MRTFB: variants seen among roughly 807,000 people sequenced by gnomAD.
MRTFB encodes myocardin related transcription factor B.
MRTFB carries 29 observed loss-of-function variants against 104.2 expected under a neutral mutation model. That is an observed-to-expected ratio of 0.28 (90% CI 0.21 to 0.38). MRTFB has a LOEUF of 0.38. Ranked by LOEUF, MRTFB falls within the 10% of genes least tolerant of loss-of-function variation. The pLI, the probability that MRTFB is intolerant of heterozygous loss-of-function variation, is 1.00. For missense variants in MRTFB, 1,270 were observed against 1,341.6 expected (o/e 0.95, Z 0.83); for synonymous variants, 535 against 519.5 (o/e 1.03, Z -0.41).
chr16:14,225,624 T>C (rs867468926), intron 8 of MRTFB, among the ~76,000 whole-genome samples: 1 of 152,164 alleles, frequency 6.6e-6, no homozygotes. Context: ...AAGCAATGTC[T>C]TGGGTGGCTG....
chr16:14,035,573 C>T, the MRTFB span, among the ~76,000 whole-genome samples: 1 of 152,022 alleles, frequency 6.6e-6, no homozygotes, highest in African/African-American at 2.4e-5. Flanking sequence ...CTATTTTAAG[C>T]ATTTATTATA....
intron 2 of MRTFB, among the ~76,000 whole-genome samples, chr16:14,081,407 C>T (rs2034391639): frequency 6.6e-6 from 1 of 151,868 alleles, no homozygotes; most frequent in Admixed American, 6.6e-5. Context: ...ATTCTCCTGC[C>T]TCAGCCTCGC....
chr16:14,219,026 A>C, intron 8 of MRTFB, 28 bp downstream of exon 8: 1 of 1,548,134 alleles, frequency 6.5e-7, no homozygotes. Context: ...TTGACCCCTA[A>C]AGAAAGAAAA....
chr16:14,233,134 G>C lies in MRTFB; in HGVS notation c.694-1012G>C, dbSNP rs139339146. ...AGTAACGCCTTCTGTAGCTTCCTTTGTTAATAATATGTGACTCCAAACTGA... is the reference window on the plus strand; with the variant it reads ...AGTAACGCCTTCTGTAGCTTCCTTTCTTAATAATATGTGACTCCAAACTGA... On this transcript the variant is annotated intron_variant, in intron 8 of 16. Coordinates refer to ENST00000571589, the MANE Select transcript of MRTFB (RefSeq NM_001308142.2). Among the ~76,000 whole-genome samples, 9 of 152,318 alleles carry C rather than the reference G, an allele frequency of 5.9e-5. No homozygotes were observed. The East Asian group carries it at 1.7e-3, about 29-fold the overall frequency.
intron 3 of MRTFB, among the ~76,000 whole-genome samples, chr16:14,197,118 A>G (rs1053033167): frequency 6.6e-6 from 1 of 151,444 alleles, no homozygotes; most frequent in African/African-American, 2.4e-5. Flanking sequence ...AGCTGGGATT[A>G]CAATCGTGCC....
At chr16:14,154,466 A>G (rs989477520) in intron 3 of MRTFB, among the ~76,000 whole-genome samples, 10 of 152,248 alleles carry the variant, frequency 6.6e-5, no homozygotes, top group South Asian at 2.1e-4. Context: ...TAGTCTGACA[A>G]TCTCTTACAA....
chr16:14,188,760 T>C (rs2040050123), intron 3 of MRTFB, among the ~76,000 whole-genome samples: 1 of 152,238 alleles, frequency 6.6e-6, no homozygotes, highest in South Asian at 2.1e-4. Context: ...ACCTACTTCA[T>C]AGTGATTTTA....
chr16:14,008,924 A>G, the MRTFB span, among the ~76,000 whole-genome samples: 7 of 67,042 alleles, frequency 1.0e-4, no homozygotes, highest in East Asian at 5.6e-4. Flanking sequence ...TAAGTATTTC[A>G]TTCTTTTTTA....
chr16:14,080,016 A>G (rs1417826674), intron 2 of MRTFB, among the ~76,000 whole-genome samples: 2 of 152,210 alleles, frequency 1.3e-5, no homozygotes, highest in Non-Finnish European at 2.9e-5. Context: ...GTAATCCTAC[A>G]TGATCATTTT....
intron 2 of MRTFB, among the ~76,000 whole-genome samples, chr16:14,127,929 A>T (rs76272354): frequency 0.042 from 1,812 of 43,250 alleles, 60 homozygotes; most frequent in African/African-American, 0.13. Flanking sequence ...ATATATATAT[A>T]TTTTTTTTTT....
chr16:14,171,634 G>T (rs2150972597), intron 3 of MRTFB, among the ~76,000 whole-genome samples: 1 of 152,076 alleles, frequency 6.6e-6, no homozygotes, highest in Non-Finnish European at 1.5e-5. Context: ...TCCCCTTTAT[G>T]TATTTGTAAC....
the MRTFB span, among the ~76,000 whole-genome samples, chr16:14,057,466 CT>C: frequency 6.6e-6 from 1 of 152,114 alleles, no homozygotes; most frequent in East Asian, 1.9e-4. Context: ...GACTTCCCAT[CT>C]TTATTTTCCT....
At chr16:14,247,684 A>T (rs770579380) in intron 12 of MRTFB, 177 bp downstream of exon 12, 1 of 617,524 alleles carries the variant, frequency 1.6e-6, no homozygotes, top group Non-Finnish European at 2.8e-6. Context: ...CACTGTTTTT[A>T]TATAGTGAAA....
At chr16:14,130,802 C>T (rs946075570) in intron 2 of MRTFB, among the ~76,000 whole-genome samples, 3 of 139,090 alleles carry the variant, frequency 2.2e-5, no homozygotes, top group African/African-American at 6.5e-5. Context: ...ACAATCATGG[C>T]GGAAGGGGAG....
intron 2 of MRTFB, among the ~76,000 whole-genome samples, chr16:14,126,894 G>A (rs1156716854): frequency 6.6e-6 from 1 of 152,224 alleles, no homozygotes; most frequent in African/African-American, 2.4e-5. Context: ...TGATAGTTAA[G>A]TGAATACTTC....
chr16:14,201,764 T>A (rs2040715835), intron 3 of MRTFB, among the ~76,000 whole-genome samples: 1 of 152,214 alleles, frequency 6.6e-6, no homozygotes, highest in African/African-American at 2.4e-5. Context: ...AGAATAATCA[T>A]TTACATACTT....
At chr16:14,099,687 A>C (rs965226222) in intron 2 of MRTFB, among the ~76,000 whole-genome samples, 1 of 108,496 alleles carries the variant, frequency 9.2e-6, no homozygotes, top group Admixed American at 9.8e-5. Flanking sequence ...TTTTTTTTTG[A>C]GACAGAGTCT....
At chr16:14,162,608 G>A (rs1406740997) in intron 3 of MRTFB, among the ~76,000 whole-genome samples, 1 of 152,116 alleles carries the variant, frequency 6.6e-6, no homozygotes, top group African/African-American at 2.4e-5. Context: ...AATAAGATTG[G>A]GCAAAGGCAG....
chr16:14,216,590 C>T (rs2041437224), intron 6 of MRTFB, among the ~76,000 whole-genome samples: 1 of 151,992 alleles, frequency 6.6e-6, no homozygotes, highest in Non-Finnish European at 1.5e-5. Context: ...GATATGTATT[C>T]AGAAATAAAC....
Sources: allele counts gnomAD v4.1 joint callset (sites outside exome capture counted in the v4.1 genomes callset), GRCh38; gene constraint gnomAD v4.1.1; transcripts MANE v1.5; gene names NCBI Gene and HGNC (gene_info 2026-07-23, HGNC 2026-07-21).